The following CCKAR variants were observed in gnomAD, a reference collection of about 807,000 sequenced individuals.
CCKAR encodes the protein cholecystokinin A receptor, also known as cholecystokinin receptor type A.
A neutral mutation model predicts 29.8 loss-of-function variants in CCKAR; 21 were observed. That is an observed-to-expected ratio of 0.70 (90% CI 0.50 to 1.01). The LOEUF (loss-of-function observed/expected upper bound fraction) is 1.01. CCKAR is among the 50% of genes least tolerant of loss of function. The pLI is 0.00. For missense variants in CCKAR, 570 were observed against 560.6 expected (o/e 1.02, Z -0.17); for synonymous variants, 238 against 221.3 (o/e 1.08, Z -0.67).
In CCKAR at chr4:26,489,348, C is replaced by T. The variant is rs769098889; in HGVS notation, c.249G>A (p.Leu83=). The T allele has an allele frequency of 6.2e-7, 1 of 1,614,094 alleles. No individual in the cohort carries two copies. The highest frequency in any genetic ancestry group is 8.5e-7 in the Non-Finnish European group (1 of 1,180,010). The change falls in exon 2 of 5, where the codon CTG becomes CTA. Residue 83 remains leucine, a synonymous_variant. Coordinates refer to ENST00000295589, the MANE Select transcript of CCKAR (RefSeq NM_000730.3). ...GACAGAGCATGAGGTCGCTGACAGC[C>T]AGGGAGAGGAGGAAGATGTTGGTGA... The part of the protein sequence containing the change: ...RTVTNIFLLS[L]AVSDLMLCLF...
chr4:26,490,147 G>T lies in CCKAR; in HGVS notation c.112+9C>A, dbSNP rs550581286. On this transcript the variant is annotated intron_variant, in intron 1 of 4. Transcript: ENST00000295589. The stretch of plus-strand genomic sequence containing the variant: ...TTCCTGAATTAAAATAACAGCTTCC[G>T]ACACTTACCTTTGGAAGGACGGGGC... 3 of 1,584,190 alleles carry T rather than the reference G, an allele frequency of 1.9e-6. No homozygotes were observed. Among genetic ancestry groups the T allele is most frequent in the Non-Finnish European group, 2.6e-6 (3 of 1,153,480 alleles).
chr4:26,481,455 C>A lies in CCKAR; in HGVS notation c.*183G>T. ...GAACTGCCTAGAAACCAATCATGGC[C>A]CCACTGGAGCAGTGCTCTGGAATCC... On this transcript the variant is annotated 3_prime_UTR_variant, in exon 5 of 5. Coordinates refer to ENST00000295589, the MANE Select transcript of CCKAR (RefSeq NM_000730.3). The A allele has an allele frequency of 1.5e-6, 1 of 663,212 alleles. No homozygotes were observed. Among genetic ancestry groups the A allele is most frequent in the Non-Finnish European group, 2.6e-6 (1 of 387,628 alleles). 41.1% of individuals were successfully genotyped at this position (663,212 alleles called of 1,614,324 possible).
chr4:26,487,100 G>A (rs1370543518), intron 2 of CCKAR, among the ~76,000 whole-genome samples: 1 of 152,084 alleles, frequency 6.6e-6, no homozygotes, highest in Non-Finnish European at 1.5e-5. Context: ...TCCCTGTAGA[G>A]TCCTTCTGCT....
rs1291548077 is a variant in CCKAR at position 26,483,265 on chromosome 4, G to T, written c.645C>A (p.Leu215=). ...MQQSWHTFLL[L]ILFLIPGIVM... ...CAATTCCAGGAATAAGAAAGAGGAT[G>T]AGTAACAGGAATGTGTGCCTAATGA... Residue 215 remains leucine, a synonymous_variant, in exon 4 of 5, where the codon CTC becomes CTA. Transcript: ENST00000295589. 1 of 1,613,482 alleles carries T rather than the reference G, an allele frequency of 6.2e-7. No individual in the cohort carries two copies. The highest frequency in any genetic ancestry group is 8.5e-7 in the Non-Finnish European group (1 of 1,179,868).
At position 26,485,887 on chromosome 4, in the gene CCKAR, T is replaced by G; in HGVS notation, c.376A>C (p.Ser126Arg). Reference sequence around the variant, plus strand: ...GCTACCAGATTAAAGGTAGATACACTCACAGAGGTGCCTGGGAAAGGAACA... The same window carrying G: ...GCTACCAGATTAAAGGTAGATACACGCACAGAGGTGCCTGGGAAAGGAACA... Reference protein sequence around the residue: ...TTTYFMGTSVSVSTFNLVAIS... With the variant: ...TTTYFMGTSVRVSTFNLVAIS... The change falls in exon 3 of 5, where the codon AGT becomes CGT. Residue 126 changes from serine (S) to arginine (R), a missense_variant. Physicochemically the swap from Ser to Arg is moderately radical, Grantham distance 110. Transcript: ENST00000295589. 1 of 1,612,114 alleles carries G rather than the reference T, an allele frequency of 6.2e-7. No homozygotes were observed. Among genetic ancestry groups the G allele is most frequent in the South Asian group, 1.1e-5 (1 of 90,892 alleles).
At chr4:26,489,134 A>G in intron 2 of CCKAR, 99 bp downstream of exon 2, 1 of 1,457,000 alleles carries the variant, frequency 6.9e-7, no homozygotes, top group South Asian at 1.3e-5. Context: ...TTCAGCCCTC[A>G]GCAGGGCTCC....
chr4:26,484,843 A>G (rs1737415416), intron 3 of CCKAR, among the ~76,000 whole-genome samples: 1 of 126,574 alleles, frequency 7.9e-6, no homozygotes, highest in Admixed American at 7.3e-5. Context: ...AGAATTCAAG[A>G]CCAGCCTAGG....
In CCKAR at chr4:26,489,392, T is replaced by A; in HGVS notation, c.205A>T (p.Asn69Tyr). 2 of 1,614,146 alleles carry A rather than the reference T, an allele frequency of 1.2e-6. No homozygotes were observed. The highest frequency in any genetic ancestry group is 1.7e-6 in the Non-Finnish European group (2 of 1,180,034). Residue 69 changes from asparagine (N) to tyrosine (Y), a missense_variant, in exon 2 of 5, where the codon AAC (asparagine) becomes TAC (tyrosine). Physicochemically the swap from Asn to Tyr is moderately radical, Grantham distance 143. Transcript: ENST00000295589. ...TTGGTGACCGTCCGCATCCGCTTGTTCCGAATCAGCACGGTGATGACCAGC... is the reference window on the plus strand; with the variant it reads ...TTGGTGACCGTCCGCATCCGCTTGTACCGAATCAGCACGGTGATGACCAGC... ...NTLVITVLIRNKRMRTVTNIF... is the reference protein window; with the variant it reads ...NTLVITVLIRYKRMRTVTNIF...
In CCKAR at chr4:26,482,239, A is replaced by C. The variant is rs953636554; in HGVS notation, c.755-69T>G. 1.2e-5 allele frequency: 17 copies of C among 1,448,902 alleles called. No individual in the cohort carries two copies. In the African/African-American group the frequency reaches 2.3e-4, roughly 19 times the overall value. 89.8% of individuals were successfully genotyped at this position (1,448,902 alleles called of 1,614,324 possible). A position where few individuals can be genotyped will look rare whatever the true frequency, so the allele number is the denominator to read the frequency against. ...GCCCGGTAGAAGGCATGGAGCCCCC[A>C]CTCCCCTCCATCAAGAAGTCCAAAC... On this transcript the variant is annotated intron_variant, in intron 4 of 4. Transcript: ENST00000295589.
At chr4:26,485,561 C>A (rs1737432093) in intron 3 of CCKAR, 76 bp downstream of exon 3, 1 of 1,513,816 alleles carries the variant, frequency 6.6e-7, no homozygotes, top group Middle Eastern at 1.8e-4. Context: ...CCACTCTGGG[C>A]AAGGCATCTC....
chr4:26,482,964 T>G (rs1465964781), intron 4 of CCKAR, among the ~76,000 whole-genome samples, 192 bp downstream of exon 4: 1 of 152,250 alleles, frequency 6.6e-6, no homozygotes, highest in Non-Finnish European at 1.5e-5. Flanking sequence ...TTGAAAGGAA[T>G]GATTTCCCCA....
chr4:26,488,371 C>T (rs141459573), intron 2 of CCKAR, among the ~76,000 whole-genome samples: 304 of 152,298 alleles, frequency 2.0e-3, no homozygotes, highest in Non-Finnish European at 3.5e-3. Context: ...CATTATGGAC[C>T]TCTCTGTGCC....
At chr4:26,482,226 G>C in intron 4 of CCKAR, 56 bp from the exon 5 acceptor site, 4 of 1,512,292 alleles carry the variant, frequency 2.6e-6, no homozygotes, top group Non-Finnish European at 1.8e-6. Flanking sequence ...CCGGTAGAAG[G>C]CATGGAGCCC....
rs1029140081 is a variant in CCKAR, at chr4:26,481,579, G to A, written c.*59C>T. ...CCTTCTCTTCCTGATCTCTTCTTCCGTTCTTTCTTCTCTGCCTCCTCCCTG... is the reference window on the plus strand; with the variant it reads ...CCTTCTCTTCCTGATCTCTTCTTCCATTCTTTCTTCTCTGCCTCCTCCCTG... On this transcript the variant is annotated 3_prime_UTR_variant, in exon 5 of 5. Coordinates refer to ENST00000295589, the MANE Select transcript of CCKAR (RefSeq NM_000730.3). The A allele has an allele frequency of 3.4e-5, 53 of 1,569,354 alleles. No homozygotes were observed. Among genetic ancestry groups the A allele is most frequent in the Non-Finnish European group, 4.4e-5 (50 of 1,140,754 alleles).
chr4:26,481,921 C>T lies in CCKAR; in HGVS notation c.1004G>A (p.Trp335Ter). The T allele has an allele frequency of 1.2e-6, 2 of 1,614,252 alleles. No homozygotes were observed. The highest frequency in any genetic ancestry group is 8.5e-7 in the Non-Finnish European group (1 of 1,180,046). Residue 335 changes from tryptophan (W) to a stop codon, truncating the protein, a stop_gained, in exon 5 of 5, where the codon TGG (tryptophan) becomes TAG (stop). Coordinates refer to ENST00000295589, the MANE Select transcript of CCKAR (RefSeq NM_000730.3). LOFTEE classifies it high-confidence loss of function. ...TGCGGAGGCGGTGTCGTAGGCCCGC[C>T]AGGCGTTGGCGCTGAAGATGGGCAT... is the stretch of plus-strand genomic sequence containing the variant. The part of the protein sequence containing the change: ...CWMPIFSANA[W>*]RAYDTASAER...
intron 4 of CCKAR, 150 bp downstream of exon 4, chr4:26,483,006 C>G: frequency 1.4e-6 from 1 of 733,310 alleles, no homozygotes; most frequent in Non-Finnish European, 2.2e-6. Flanking sequence ...ATACTGGGCC[C>G]GTGACTGTGC....
rs555562759 is a variant in CCKAR, at chr4:26,489,597, A to C, written c.113-113T>G. On this transcript the variant is annotated intron_variant, in intron 1 of 4. Transcript: ENST00000295589. The stretch of plus-strand genomic sequence containing the variant: ...TTTTCCCCCCACCGGGGTGTACATC[A>C]CTGGACCCACGATTCCTGTCCTGGC... 6.4e-5 allele frequency: 74 copies of C among 1,150,316 alleles called. 1 individual carries two copies. The East Asian group carries it at 1.7e-3, about 26-fold the overall frequency. 71.3% of individuals were successfully genotyped at this position (1,150,316 alleles called of 1,614,324 possible).
At chr4:26,485,954 G>A in intron 2 of CCKAR, 56 bp from the exon 3 acceptor site, 2 of 1,531,974 alleles carry the variant, frequency 1.3e-6, no homozygotes, top group Non-Finnish European at 1.8e-6. Context: ...AAGTTTATTT[G>A]CACATTAGCT....
At chr4:26,488,934 T>A (rs1737498647) in intron 2 of CCKAR, among the ~76,000 whole-genome samples, 1 of 152,144 alleles carries the variant, frequency 6.6e-6, no homozygotes, top group Non-Finnish European at 1.5e-5. Flanking sequence ...AGCAAGCAAG[T>A]CCCTCTTCCC....
Sources: allele counts gnomAD v4.1 joint callset (sites outside exome capture counted in the v4.1 genomes callset), GRCh38; gene constraint gnomAD v4.1.1; transcripts MANE v1.5; gene names NCBI Gene and HGNC (gene_info 2026-07-23, HGNC 2026-07-21).